MARK3: variants seen among roughly 807,000 people sequenced by gnomAD.
The protein encoded by MARK3 is MAP/microtubule affinity-regulating kinase 3.
A neutral mutation model predicts 90.1 loss-of-function variants in MARK3; 46 were observed. The ratio of observed to expected loss-of-function variants is 0.51; its 90% CI spans 0.40 to 0.65. The LOEUF (loss-of-function observed/expected upper bound fraction) is 0.65, where lower values mean the gene tolerates loss of function less well. MARK3 is among the 30% of genes least tolerant of loss of function. The probability of loss-of-function intolerance (pLI) is 0.00; values close to 1 mark genes in which losing one functional copy is unlikely to be tolerated. For missense variants in MARK3, 818 were observed against 947.2 expected (o/e 0.86, Z 1.79); for synonymous variants, 321 against 332.6 (o/e 0.97, Z 0.38).
chr14:103,485,906 G>A (rs554630617), intron 14 of MARK3, among the ~76,000 whole-genome samples: 1 of 152,208 alleles, frequency 6.6e-6, no homozygotes, highest in East Asian at 1.9e-4. Flanking sequence ...TTAAAAGATA[G>A]TCATGAATAC....
Position 103,480,334 on chromosome 14 carries a change from C to G in MARK3, c.1483-53C>G. On this transcript the variant is annotated intron_variant, in intron 13 of 17. Coordinates refer to ENST00000429436, the MANE Select transcript of MARK3 (RefSeq NM_001128918.3). ...TTATGTAGATAAGTTCATTTTTTCT[C>G]ATTGTACTGTATTTACCAAATAAAT... The G allele has an allele frequency of 2.8e-6, 3 of 1,061,846 alleles. No individual in the cohort carries two copies. In the South Asian group the frequency reaches 4.1e-5, roughly 14 times the overall value. 65.8% of individuals were successfully genotyped at this position (1,061,846 alleles called of 1,614,324 possible). A position where few individuals can be genotyped will look rare whatever the true frequency, so the allele number is the denominator to read the frequency against.
chr14:103,412,339 C>T (rs531487952), intron 2 of MARK3: 26 of 626,738 alleles, frequency 4.1e-5, no homozygotes, highest in Middle Eastern at 4.6e-4. Context: ...CTTTGGCCAC[C>T]GTGTTTTCAT....
At chr14:103,494,757 C>T (rs2075240168) in intron 15 of MARK3, among the ~76,000 whole-genome samples, 1 of 152,016 alleles carries the variant, frequency 6.6e-6, no homozygotes, top group Non-Finnish European at 1.5e-5. Context: ...GTGCTTCAGC[C>T]TCCCGAGTGG....
intron 17 of MARK3, 88 bp downstream of exon 17, chr14:103,500,288 C>A: frequency 1.0e-6 from 1 of 970,338 alleles, no homozygotes; most frequent in Non-Finnish European, 1.5e-6. Context: ...ATGTTCCCTA[C>A]TGTATTCCTG....
intron 15 of MARK3, among the ~76,000 whole-genome samples, chr14:103,492,674 A>G (rs1448621262): frequency 3.3e-5 from 5 of 152,130 alleles, no homozygotes; most frequent in Non-Finnish European, 7.4e-5. Context: ...GGTCCTGGAA[A>G]TTTTTTAAAA....
chr14:103,487,736 GCTGTATCTTGTTAGAAAAATACATTT>G (rs1382686623), intron 14 of MARK3, among the ~76,000 whole-genome samples: 1 of 152,094 alleles, frequency 6.6e-6, no homozygotes, highest in Admixed American at 6.5e-5. Flanking sequence ...GTTGTATTTA[GCTGTATCTTGTTAGAAAAATACATTT>G]GTGTAGCCAG....
chr14:103,419,078 G>A (rs2092089692), intron 2 of MARK3, among the ~76,000 whole-genome samples: 1 of 152,160 alleles, frequency 6.6e-6, no homozygotes, highest in African/African-American at 2.4e-5. Context: ...CACGAGGTCA[G>A]GAGATCGAGA....
intron 1 of MARK3, 118 bp downstream of exon 1, chr14:103,386,198 C>A: frequency 1.0e-6 from 1 of 987,020 alleles, no homozygotes; most frequent in South Asian, 1.3e-5. Flanking sequence ...GAGGGCAGGC[C>A]GTAGTCACCC....
intron 1 of MARK3, among the ~76,000 whole-genome samples, chr14:103,396,515 C>G (rs1342512927): frequency 6.6e-6 from 1 of 151,978 alleles, no homozygotes; most frequent in Non-Finnish European, 1.5e-5. Context: ...TATAACCAGA[C>G]TTGGATTAGG....
rs112171427 is a variant in MARK3 at position 103,408,741 on chromosome 14, A to G, written c.243+3474A>G. Among the ~76,000 whole-genome samples, 1,342 of 152,282 alleles carry G rather than the reference A, an allele frequency of 8.8e-3. 21 individuals are homozygous for G. The highest frequency in any genetic ancestry group is 0.031 in the African/African-American group (1,278 of 41,558). ...GGAGACTTGGAAAAGGTTGGGAAGCACTGGACTGTGCTAACTGGAATTTTA... is the reference window on the plus strand; with the variant it reads ...GGAGACTTGGAAAAGGTTGGGAAGCGCTGGACTGTGCTAACTGGAATTTTA... On this transcript the variant is annotated intron_variant, in intron 2 of 17. Transcript: ENST00000429436.
intron 3 of MARK3, among the ~76,000 whole-genome samples, chr14:103,444,116 A>G (rs1457434128): frequency 1.1e-4 from 15 of 140,712 alleles, no homozygotes; most frequent in Non-Finnish European, 1.1e-4. Flanking sequence ...ACTAGAGACT[A>G]AAATTCTCTC....
At chr14:103,402,062 C>T (rs895371250) in intron 1 of MARK3, among the ~76,000 whole-genome samples, 4 of 152,098 alleles carry the variant, frequency 2.6e-5, no homozygotes, top group African/African-American at 9.7e-5. Context: ...GTTTAACATT[C>T]AGCAAAAATG....
At chr14:103,483,329 T>C (rs571945935) in intron 14 of MARK3, among the ~76,000 whole-genome samples, 1 of 152,330 alleles carries the variant, frequency 6.6e-6, no homozygotes, top group South Asian at 2.1e-4. Context: ...TGTTTTCTTC[T>C]TTATATGAGT....
chr14:103,500,131 C>G (rs2075580491), intron 16 of MARK3, 25 bp from the exon 17 acceptor site: 2 of 1,598,424 alleles, frequency 1.3e-6, no homozygotes, highest in Non-Finnish European at 1.7e-6. Flanking sequence ...CCTCTTCTCT[C>G]TGCTTCTACA....
At chr14:103,429,734 G>T (rs893769615) in intron 3 of MARK3, among the ~76,000 whole-genome samples, 1 of 152,116 alleles carries the variant, frequency 6.6e-6, no homozygotes. Flanking sequence ...AGCTATCTAA[G>T]GATTTGGTAC....
At position 103,502,900 on chromosome 14, in the gene MARK3, G is replaced by GC; in HGVS notation, c.1936dup (p.Gln646ProfsTer4). On this transcript the variant is annotated frameshift_variant, in exon 18 of 18. Transcript: ENST00000429436. LOFTEE classifies it high-confidence loss of function. Reference sequence around the variant, plus strand: ...ATTTCAGTCGCAATGTATCTGCTGAGCAAAAAGATGAAAACAAAGAAGCAA... The same window carrying GC: ...ATTTCAGTCGCAATGTATCTGCTGAGCCAAAAAGATGAAAACAAAGAAGCAA... 6.2e-7 allele frequency: 1 copy of GC among 1,611,780 alleles called. No homozygotes were observed. Among genetic ancestry groups the GC allele is most frequent in the South Asian group, 1.1e-5 (1 of 91,040 alleles).
At chr14:103,394,908 G>A (rs554344531) in intron 1 of MARK3, among the ~76,000 whole-genome samples, 3 of 152,100 alleles carry the variant, frequency 2.0e-5, no homozygotes, top group East Asian at 1.9e-4. Flanking sequence ...TCAGCCTCCC[G>A]AGTAGCTGGG....
chr14:103,503,311 A>G lies in MARK3; in HGVS notation c.*84A>G, dbSNP rs1238108417. 6.0e-6 allele frequency: 7 copies of G among 1,175,342 alleles called. No homozygotes were observed. The highest frequency in any genetic ancestry group is 8.4e-6 in the Non-Finnish European group (7 of 831,532). The allele number at this position is 1,175,342 out of a possible 1,614,324, so 72.8% of individuals were successfully genotyped here. Reference sequence around the variant, plus strand: ...AAATGTATAGAATAATATTTAGGCAATAACGTCTGCATCTTCTAAATCATG... The same window carrying G: ...AAATGTATAGAATAATATTTAGGCAGTAACGTCTGCATCTTCTAAATCATG... On this transcript the variant is annotated 3_prime_UTR_variant, in exon 18 of 18. Coordinates refer to ENST00000429436, the MANE Select transcript of MARK3 (RefSeq NM_001128918.3).
chr14:103,428,314 C>CAT, intron 2 of MARK3, 73 bp from the exon 3 acceptor site: 1 of 749,606 alleles, frequency 1.3e-6, no homozygotes, highest in African/African-American at 1.9e-5. Context: ...TTCTTAATGC[C>CAT]ATATATCTTG....
Sources: gnomAD v4.1 joint callset for allele counts (sites outside exome capture counted in the v4.1 genomes callset) on GRCh38, gnomAD v4.1.1 for gene constraint, MANE v1.5 for transcripts, NCBI Gene and HGNC (gene_info 2026-07-23, HGNC 2026-07-21) for gene names.